Variants in EPB41L5 observed in about 807,000 individuals in gnomAD.
The protein encoded by EPB41L5 is band 4.1-like protein 5.
In EPB41L5, 55 loss-of-function variants were observed where a neutral mutation model predicts 106.6. The ratio of observed to expected loss-of-function variants is 0.52; its 90% confidence interval spans 0.42 to 0.65. The LOEUF (loss-of-function observed/expected upper bound fraction) is 0.65, where lower values mean the gene tolerates loss of function less well. Among genes scored for constraint, EPB41L5 ranks in the 30% least tolerant of loss-of-function variants. The pLI is 0.00. For synonymous variants in EPB41L5, 297 were observed against 306.7 expected, an observed-to-expected ratio of 0.97 and a Z score of 0.33; for missense variants, 871 against 882.1, an observed-to-expected ratio of 0.99 and a Z score of 0.16.
At chr2:120,049,989 G>GC in intron 3 of EPB41L5, among the ~76,000 whole-genome samples, 1 of 152,174 alleles carries the variant, frequency 6.6e-6, no homozygotes, top group African/African-American at 2.4e-5. Flanking sequence ...TTGAATATTG[G>GC]CCCCCACTGT....
At chr2:120,093,404 G>T in intron 14 of EPB41L5, 128 bp downstream of exon 14, 1 of 776,198 alleles carries the variant, frequency 1.3e-6, no homozygotes, top group South Asian at 1.5e-5. Context: ...ATATGTCAGG[G>T]AATAAATGAA....
At chr2:120,047,994 C>A (rs547701138) in intron 3 of EPB41L5, among the ~76,000 whole-genome samples, 1 of 152,176 alleles carries the variant, frequency 6.6e-6, no homozygotes, top group East Asian at 1.9e-4. Context: ...ACCAGCCTTG[C>A]GATCCAGGGA....
At chr2:120,021,401 T>A (rs2105129975) in intron 2 of EPB41L5, among the ~76,000 whole-genome samples, 1 of 151,838 alleles carries the variant, frequency 6.6e-6, no homozygotes, top group East Asian at 1.9e-4. Context: ...TCGCAGCACT[T>A]TGGGAGGCCG....
chr2:120,078,797 A>G (rs1038806584), intron 10 of EPB41L5, among the ~76,000 whole-genome samples: 5 of 152,186 alleles, frequency 3.3e-5, no homozygotes, highest in Admixed American at 6.5e-5. Flanking sequence ...GTTTCAAAGT[A>G]TACCACAATC....
intron 16 of EPB41L5, among the ~76,000 whole-genome samples, chr2:120,115,790 G>A (rs1218393673): frequency 6.6e-6 from 1 of 151,742 alleles, no homozygotes; most frequent in South Asian, 2.1e-4. Context: ...ATGTTATGTT[G>A]TGTTATGTTA....
intron 3 of EPB41L5, among the ~76,000 whole-genome samples, chr2:120,060,710 A>G (rs1680978620): frequency 1.3e-5 from 2 of 152,170 alleles, no homozygotes; most frequent in African/African-American, 4.8e-5. Flanking sequence ...TAGGATAGGA[A>G]TCTAAATGTG....
chr2:120,064,937 C>T (rs1333034785), intron 3 of EPB41L5, among the ~76,000 whole-genome samples: 1 of 152,108 alleles, frequency 6.6e-6, no homozygotes, highest in Non-Finnish European at 1.5e-5. Context: ...AGAACATCAC[C>T]CAGAACTCCC....
intron 13 of EPB41L5, 58 bp downstream of exon 13, chr2:120,091,719 G>T: frequency 7.3e-7 from 1 of 1,364,138 alleles, no homozygotes; most frequent in Admixed American, 1.9e-5. Flanking sequence ...TTATGTGCTG[G>T]TGTTGTTTCC....
At chr2:120,033,317 A>G (rs1678836742) in intron 2 of EPB41L5, among the ~76,000 whole-genome samples, 1 of 152,228 alleles carries the variant, frequency 6.6e-6, no homozygotes, top group Non-Finnish European at 1.5e-5. Context: ...GGCTAGACTC[A>G]ATGAAGTTTT....
At chr2:120,126,038 C>T (rs1402471717) in intron 16 of EPB41L5, among the ~76,000 whole-genome samples, 2 of 152,122 alleles carry the variant, frequency 1.3e-5, no homozygotes, top group Admixed American at 6.6e-5. Context: ...TATCTGTGTC[C>T]AAATTTCCCC....
intron 16 of EPB41L5, among the ~76,000 whole-genome samples, chr2:120,113,723 A>G (rs905830917): frequency 6.6e-6 from 1 of 152,102 alleles, no homozygotes; most frequent in Non-Finnish European, 1.5e-5. Flanking sequence ...GTTTCTATAG[A>G]TTTGCCCATT....
chr2:120,019,687 A>AT (rs1034939778), intron 2 of EPB41L5, among the ~76,000 whole-genome samples: 2 of 152,160 alleles, frequency 1.3e-5, no homozygotes, highest in African/African-American at 2.4e-5. Flanking sequence ...GCACTTCTGT[A>AT]TTTTTTAAAA....
At chr2:120,108,525 G>A (rs1001666191) in intron 16 of EPB41L5, 1 of 152,064 alleles carries the variant, frequency 6.6e-6, no homozygotes, top group African/African-American at 2.4e-5. Flanking sequence ...TAAATTATTA[G>A]GGGTAGAGTT....
chr2:120,071,598 A>G (rs1444438987), intron 3 of EPB41L5, among the ~76,000 whole-genome samples: 1 of 152,228 alleles, frequency 6.6e-6, no homozygotes, highest in Non-Finnish European at 1.5e-5. Flanking sequence ...CCTATGGAAC[A>G]GAACAGAGGC....
rs574569038 is a variant in EPB41L5, at chr2:120,080,003, T to C, written c.803+1422T>C. Reference sequence around the variant, plus strand: ...AAAGTAATTTGTTTGAATGCTTAAATGCCTTAAAATGATTTTTTTGTCTTT... The same window carrying C: ...AAAGTAATTTGTTTGAATGCTTAAACGCCTTAAAATGATTTTTTTGTCTTT... On this transcript the variant is annotated intron_variant, in intron 10 of 24. Transcript: ENST00000263713. Among the ~76,000 whole-genome samples, 14 of 152,326 alleles carry C rather than the reference T, an allele frequency of 9.2e-5. No homozygotes were observed. The East Asian group carries it at 2.5e-3, about 27-fold the overall frequency.
intron 17 of EPB41L5, among the ~76,000 whole-genome samples, chr2:120,129,159 A>C (rs1434138759): frequency 6.6e-6 from 1 of 152,128 alleles, no homozygotes; most frequent in Non-Finnish European, 1.5e-5. Flanking sequence ...AAACCTGCAC[A>C]TGTGCTCCCT....
At chr2:120,047,675 C>T (rs941967353) in intron 3 of EPB41L5, among the ~76,000 whole-genome samples, 1 of 152,182 alleles carries the variant, frequency 6.6e-6, no homozygotes, top group African/African-American at 2.4e-5. Context: ...CCTGATTGCC[C>T]TGGCCAGAAC....
At chr2:120,109,850 A>T (rs1347419455) in intron 16 of EPB41L5, among the ~76,000 whole-genome samples, 2 of 152,200 alleles carry the variant, frequency 1.3e-5, no homozygotes, top group African/African-American at 4.8e-5. Context: ...AACCCATTCT[A>T]ATCAAACATT....
At chr2:120,089,363 A>G (rs1683262022) in intron 11 of EPB41L5, among the ~76,000 whole-genome samples, 1 of 152,014 alleles carries the variant, frequency 6.6e-6, no homozygotes, top group African/African-American at 2.4e-5. Flanking sequence ...CTGGTCACCA[A>G]TTTTGGAGGG....
Sources: gnomAD v4.1 joint callset for allele counts (sites outside exome capture counted in the v4.1 genomes callset) on GRCh38, gnomAD v4.1.1 for gene constraint, MANE v1.5 for transcripts, NCBI Gene and HGNC (gene_info 2026-07-23, HGNC 2026-07-21) for gene names.